TTF1: variants seen among roughly 807,000 people sequenced by gnomAD.
TTF1 encodes the protein transcription termination factor 1, also known as transcription termination factor, RNA polymerase I.
In TTF1, 64 loss-of-function variants were observed where a neutral mutation model predicts 80.2. The ratio of observed to expected loss-of-function variants is 0.80; its 90% CI spans 0.65 to 0.98. The LOEUF is 0.98. TTF1 is among the 50% of genes least tolerant of loss of function. The pLI is 0.00. For missense variants in TTF1, 1,023 were observed against 1,086.2 expected (o/e 0.94, Z 0.82); for synonymous variants, 372 against 382.7 (o/e 0.97, Z 0.33).
chr9:132,389,174 C>T (rs986255860), intron 7 of TTF1, among the ~76,000 whole-genome samples: 1 of 150,830 alleles, frequency 6.6e-6, no homozygotes, highest in Admixed American at 6.6e-5. Context: ...GCTTATAACT[C>T]ACTCTTCCTT....
rs371238626 is a variant in TTF1 at position 132,390,681 on chromosome 9, C to A, written c.2138G>T (p.Arg713Leu). The change falls in exon 7 of 11, where the codon CGG becomes CTG. Residue 713 changes from arginine (R) to leucine (L), a missense_variant. By Grantham distance (102) the Arg-to-Leu change is moderately radical. Transcript: ENST00000334270. ...AGATATGCCCTTGTAGAGTTTTTCC[C>A]GAACAATTGATAGGCAACTTTCAGG... ...ENPESCLSIVREKLYKGISWV... is the reference protein window; with the variant it reads ...ENPESCLSIVLEKLYKGISWV... 2 of 1,614,200 alleles carry A rather than the reference C, an allele frequency of 1.2e-6. No individual in the cohort carries two copies. Among genetic ancestry groups the A allele is most frequent in the Non-Finnish European group, 1.7e-6 (2 of 1,180,036 alleles).
At chr9:132,393,298 A>T (rs114494260) in intron 5 of TTF1, among the ~76,000 whole-genome samples, 1,995 of 150,926 alleles carry the variant, frequency 0.013, 59 homozygotes, top group African/African-American at 0.045. Context: ...CATAAACAGA[A>T]TCTCTGCAGC....
rs575065884 is a variant in TTF1, at chr9:132,398,286, A to G, written c.1632T>C (p.Asn544=). 4 of 1,608,570 alleles carry G rather than the reference A, an allele frequency of 2.5e-6. No individual in the cohort carries two copies. The highest frequency in any genetic ancestry group is 8.5e-7 in the Non-Finnish European group (1 of 1,178,210). ...CTTCCACATTTTTCTCTAACTGCTT[A>G]TTTTCCTTTACAGAAAACTTGCCAA... is the stretch of plus-strand genomic sequence containing the variant. ...IKFGKFSVKE[N]KQLEKNVEDF... is the part of the protein sequence containing the mutation. The change falls in exon 4 of 11, where the codon AAT becomes AAC. Residue 544 remains asparagine, a synonymous_variant. Coordinates refer to ENST00000334270, the MANE Select transcript of TTF1 (RefSeq NM_007344.4).
intron 7 of TTF1, among the ~76,000 whole-genome samples, chr9:132,390,271 C>A (rs371915439): frequency 6.6e-6 from 1 of 152,180 alleles, no homozygotes; most frequent in East Asian, 1.9e-4. Flanking sequence ...TGAGCCACTG[C>A]GCGTGGCCCC....
rs773818995 is a variant in TTF1, at chr9:132,402,540, C to T, written c.282G>A (p.Leu94=). ...KKRKKRRYSA[L]EVDEEAGVTV... ...TAACACCTGCTTCCTCGTCCACCTC[C>T]AAAGCACTATATCTTCTCTTTTTTC... is the stretch of plus-strand genomic sequence containing the variant. The change falls in exon 2 of 11, where the codon TTG becomes TTA. Residue 94 remains leucine (L), a synonymous_variant. Coordinates refer to ENST00000334270, the MANE Select transcript of TTF1 (RefSeq NM_007344.4). The T allele has an allele frequency of 3.7e-6, 6 of 1,614,094 alleles. No individual in the cohort carries two copies. The African/African-American group carries it at 8.0e-5, about 22-fold the overall frequency.
chr9:132,392,530 G>A (rs976680391), intron 5 of TTF1, among the ~76,000 whole-genome samples: 13 of 152,194 alleles, frequency 8.5e-5, no homozygotes, highest in Admixed American at 7.9e-4. Flanking sequence ...GCTCGCCAGT[G>A]CCGTTTAAAG....
At chr9:132,405,088 C>T (rs1279451692) in intron 1 of TTF1, among the ~76,000 whole-genome samples, 1 of 152,092 alleles carries the variant, frequency 6.6e-6, no homozygotes, top group African/African-American at 2.4e-5. Flanking sequence ...GGAGTTTCAC[C>T]GTGTTAGCCA....
intron 9 of TTF1, among the ~76,000 whole-genome samples, chr9:132,380,977 T>C (rs1206444460): frequency 6.6e-6 from 1 of 152,090 alleles, no homozygotes; most frequent in Non-Finnish European, 1.5e-5. Flanking sequence ...AGTGGCGTGA[T>C]CTCGGGTCAC....
intron 9 of TTF1, among the ~76,000 whole-genome samples, chr9:132,385,463 A>G (rs1467759667): frequency 6.6e-6 from 1 of 152,098 alleles, no homozygotes; most frequent in Non-Finnish European, 1.5e-5. Context: ...TGGCCTGCAC[A>G]CGCACCCAGC....
rs1263418266 is a variant in TTF1 at position 132,392,168 on chromosome 9, T to C, written c.1895A>G (p.His632Arg). ...CTTCCAGTCATTCCCAAGGAGAGAA[T>C]GGTACATCTTTAACTTCTCAGTATC... ...EGDTEKLKMYHSLLGNDWKTI... is the reference protein window; with the variant it reads ...EGDTEKLKMYRSLLGNDWKTI... The change falls in exon 6 of 11, where the codon CAT becomes CGT. Residue 632 changes from histidine to arginine, a missense_variant. His to Arg is a conservative substitution (Grantham distance 29). Coordinates refer to ENST00000334270, the MANE Select transcript of TTF1 (RefSeq NM_007344.4). 1 of 1,614,166 alleles carries C rather than the reference T, an allele frequency of 6.2e-7. No homozygotes were observed. Among genetic ancestry groups the C allele is most frequent in the Non-Finnish European group, 8.5e-7 (1 of 1,180,036 alleles).
intron 9 of TTF1, among the ~76,000 whole-genome samples, chr9:132,382,477 G>C (rs1849385247): frequency 6.6e-6 from 1 of 152,122 alleles, no homozygotes; most frequent in Non-Finnish European, 1.5e-5. Context: ...CAAACATCAG[G>C]AATATGCTGT....
intron 3 of TTF1, among the ~76,000 whole-genome samples, chr9:132,399,138 G>T (rs1849710834): frequency 6.7e-6 from 1 of 149,376 alleles, no homozygotes; most frequent in African/African-American, 2.5e-5. Context: ...GGCGTAGGTT[G>T]CAGTGAGCCG....
At position 132,391,212 on chromosome 9, in the gene TTF1, CATAGTGTAACAATATAA is replaced by C. The variant is rs536950736; in HGVS notation, c.1988-398_1988-382del. Among the ~76,000 whole-genome samples the C allele has an allele frequency of 9.7e-4, 147 of 152,278 alleles. 2 individuals are homozygous for C. The East Asian group carries it at 0.011, about 11-fold the overall frequency. The stretch of plus-strand genomic sequence containing the variant: ...TGTACATGTCTCTTGGCCAAGAGTT[CATAGTGTAACAATATAA>C]ATAGCTACACTGATACCAACACAGT... On this transcript the variant is annotated intron_variant, in intron 6 of 10. Transcript: ENST00000334270.
chr9:132,402,911 A>G lies in TTF1; in HGVS notation c.-7-83T>C, dbSNP rs1849795654. ...CACTCTGTCGCCCAGGCTGGAGTGCAGTGGCGCGATCTCGGCTCACTGCAA... is the reference window on the plus strand; with the variant it reads ...CACTCTGTCGCCCAGGCTGGAGTGCGGTGGCGCGATCTCGGCTCACTGCAA... On this transcript the variant is annotated intron_variant, in intron 1 of 10. Coordinates refer to ENST00000334270, the MANE Select transcript of TTF1 (RefSeq NM_007344.4). 2.2e-5 allele frequency: 30 copies of G among 1,359,170 alleles called. 1 individual carries two copies. In the South Asian group the frequency reaches 4.1e-4, roughly 19 times the overall value. The allele number at this position is 1,359,170 out of a possible 1,614,324, so 84.2% of individuals were successfully genotyped here.
At chr9:132,400,384 T>C (rs894626100) in intron 2 of TTF1, 126 bp from the exon 3 acceptor site, 6 of 735,526 alleles carry the variant, frequency 8.2e-6, no homozygotes, top group Non-Finnish European at 1.1e-5. Flanking sequence ...AGTGCAATGG[T>C]GCGATCTCAG....
chr9:132,388,030 A>G, intron 8 of TTF1, 109 bp downstream of exon 8: 1 of 758,028 alleles, frequency 1.3e-6, no homozygotes, highest in Non-Finnish European at 2.2e-6. Context: ...AAAGTGCTGG[A>G]ACAGGGATTT....
rs750051954 is a variant in TTF1, at chr9:132,398,211, C to T, written c.1707G>A (p.Thr569=). 8.1e-6 allele frequency: 13 copies of T among 1,597,264 alleles called. No homozygotes were observed. The highest frequency in any genetic ancestry group is 2.3e-5 in the East Asian group (1 of 44,234). The change falls in exon 4 of 11, where the codon ACG becomes ACA. Residue 569 remains threonine, a synonymous_variant. Transcript: ENST00000334270. The part of the protein sequence containing the change: ...GIESADKLLY[T]DRYPEEKSVI... Reference sequence around the variant, plus strand: ...CAGATTTTTCCTCAGGATATCTGTCCGTGTACAGCAGCTTGTCTGCACTCT... The same window carrying T: ...CAGATTTTTCCTCAGGATATCTGTCTGTGTACAGCAGCTTGTCTGCACTCT...
intron 7 of TTF1, among the ~76,000 whole-genome samples, chr9:132,389,095 T>C (rs541793627): frequency 1.3e-5 from 2 of 152,262 alleles, no homozygotes; most frequent in African/African-American, 4.8e-5. Flanking sequence ...ATGTTGATCT[T>C]GAACCAGTAC....
At chr9:132,376,320 C>T (rs2131613104) in intron 10 of TTF1, 152 bp from the exon 11 acceptor site, 1 of 876,790 alleles carries the variant, frequency 1.1e-6, no homozygotes. Context: ...ACATTCACTT[C>T]TTCAATCCTT....
Sources: gnomAD v4.1 joint callset for allele counts (sites outside exome capture counted in the v4.1 genomes callset) on GRCh38, gnomAD v4.1.1 for gene constraint, MANE v1.5 for transcripts, NCBI Gene and HGNC (gene_info 2026-07-23, HGNC 2026-07-21) for gene names.